The following MYO19 variants were observed in gnomAD, a reference collection of about 807,000 sequenced individuals.
The protein encoded by MYO19 is myosin XIX, also known as unconventional myosin-XIX.
MYO19 carries 132 observed loss-of-function variants against 129.2 expected under a neutral mutation model. The observed-to-expected ratio is 1.02, with a 90% CI of 0.89 to 1.18. The LOEUF (loss-of-function observed/expected upper bound fraction) is 1.18, where lower values mean the gene tolerates loss of function less well. MYO19 is among the 50% of genes most tolerant of loss of function. The probability of loss-of-function intolerance (pLI) is 0.00; values close to 1 mark genes in which losing one functional copy is unlikely to be tolerated. For synonymous variants in MYO19, 531 were observed against 477.2 expected, an observed-to-expected ratio of 1.11 and a Z score of -1.47; for missense variants, 1,210 against 1,216.7, an observed-to-expected ratio of 0.99 and a Z score of 0.08.
At chr17:36,543,458 G>A (rs975185169), upstream of MYO19, 1 of 151,580 alleles carries the variant, frequency 6.6e-6, no homozygotes, top group Non-Finnish European at 1.5e-5. Context: ...CGGCCCAGAA[G>A]ACATAAATAT....
chr17:36,533,813 G>A (rs2073969462), intron 2 of MYO19, 140 bp downstream of exon 2: 1 of 152,248 alleles, frequency 6.6e-6, no homozygotes, highest in African/African-American at 2.4e-5. Flanking sequence ...CAGCACAACA[G>A]GTTTGGGGTT....
rs111254618 is a variant in MYO19, at chr17:36,496,500, G to A, written c.2758-94C>T. On this transcript the variant is annotated intron_variant, in intron 25 of 25. Transcript: ENST00000614623. ...GAGCAGACGCTAAAAATGCAAGAAGGTATGGACAAGTACTAGTATTGGGGG... is the reference window on the plus strand; with the variant it reads ...GAGCAGACGCTAAAAATGCAAGAAGATATGGACAAGTACTAGTATTGGGGG... 673 of 1,164,084 alleles carry A rather than the reference G, an allele frequency of 5.8e-4. 4 individuals are homozygous for A. The African/African-American group carries it at 8.1e-3, about 14-fold the overall frequency. The allele number at this position is 1,164,084 out of a possible 1,614,324, so 72.1% of individuals were successfully genotyped here. A position where few individuals can be genotyped will look rare whatever the true frequency, so the allele number is the denominator to read the frequency against.
At chr17:36,507,375 C>T (rs756353134) in intron 16 of MYO19, 24 bp downstream of exon 16, 18 of 1,600,308 alleles carry the variant, frequency 1.1e-5, no homozygotes, top group Admixed American at 8.3e-5. Context: ...CTCTGGTGCT[C>T]GGCTCATTAG....
At position 36,503,313 on chromosome 17, in the gene MYO19, G is replaced by A. The variant is rs567728823; in HGVS notation, c.1977-113C>T. 83 of 847,950 alleles carry A rather than the reference G, an allele frequency of 9.8e-5. 1 individual carries two copies. The African/African-American group carries it at 1.4e-3, about 14-fold the overall frequency. The allele number at this position is 847,950 out of a possible 1,614,324, so 52.5% of individuals were successfully genotyped here. ...AATCTGCTCAACAACACAGCACGGT[G>A]CTGCCCTCCCCGAGTATCCCCACTG... is the stretch of plus-strand genomic sequence containing the variant. On this transcript the variant is annotated intron_variant, in intron 20 of 25. Transcript: ENST00000614623.
chr17:36,510,354 G>A (rs965653830), intron 13 of MYO19, among the ~76,000 whole-genome samples: 2 of 152,216 alleles, frequency 1.3e-5, no homozygotes, highest in Non-Finnish European at 2.9e-5. Context: ...AAAGGCACAG[G>A]GAGACAGAGA....
At chr17:36,515,692 T>C (rs753207353) in intron 7 of MYO19, among the ~76,000 whole-genome samples, 166 bp downstream of exon 7, 4 of 152,138 alleles carry the variant, frequency 2.6e-5, no homozygotes, top group South Asian at 2.1e-4. Context: ...GTTAGAATGA[T>C]GCTAAGGAGT....
intron 6 of MYO19, among the ~76,000 whole-genome samples, chr17:36,518,527 AATATATATAT>A (rs1555581707): frequency 2.4e-5 from 1 of 41,470 alleles, no homozygotes; most frequent in Non-Finnish European, 4.0e-5. Context: ...AAAAAAAAAA[AATATATATAT>A]ATATATATAT....
rs1265911229 is a variant in MYO19 at position 36,496,436 on chromosome 17, CACTAG to C, written c.2758-35_2758-31del. 22 of 1,611,256 alleles carry C rather than the reference CACTAG, an allele frequency of 1.4e-5. No homozygotes were observed. The African/African-American group carries it at 2.9e-4, about 22-fold the overall frequency. ...AGGGGAGAGAGAGATGCAGCTTTAG[CACTAG>C]TTCCTGGGAGTGCCAGGGCCTAACA... On this transcript the variant is annotated intron_variant, in intron 25 of 25. Transcript: ENST00000614623.
At chr17:36,537,627 T>C, upstream of MYO19, 6 of 1,614,138 alleles carry the variant, frequency 3.7e-6, no homozygotes, top group Non-Finnish European at 5.1e-6. Flanking sequence ...TGGCTTTGTT[T>C]TTGGGTCTGC....
rs189376170 is a variant in MYO19 at position 36,503,018 on chromosome 17, C to A, written c.2080+79G>T. On this transcript the variant is annotated intron_variant, in intron 21 of 25. Coordinates refer to ENST00000614623, the MANE Select transcript of MYO19 (RefSeq NM_001163735.2). Reference sequence around the variant, plus strand: ...TTTATTCACCAGTAAGCCCCAGCCCCTAGCCCTAAGACAGGGCACAGGGTA... The same window carrying A: ...TTTATTCACCAGTAAGCCCCAGCCCATAGCCCTAAGACAGGGCACAGGGTA... 42 of 1,243,222 alleles carry A rather than the reference C, an allele frequency of 3.4e-5. No homozygotes were observed. In the East Asian group the frequency reaches 9.7e-4, roughly 29 times the overall value. 77.0% of individuals were successfully genotyped at this position (1,243,222 alleles called of 1,614,324 possible).
chr17:36,511,168 C>A (rs919098131), intron 12 of MYO19, 197 bp downstream of exon 12: 3 of 673,708 alleles, frequency 4.5e-6, no homozygotes, highest in Non-Finnish European at 5.0e-6. Flanking sequence ...CTCATTTTCT[C>A]ATCTTTAAGA....
chr17:36,500,850 G>A lies in MYO19; in HGVS notation c.2357C>T (p.Ala786Val). The change falls in exon 23 of 26, where the codon GCC (alanine) becomes GTC (valine). Residue 786 changes from alanine (A) to valine (V), a missense_variant. Coordinates refer to ENST00000614623, the MANE Select transcript of MYO19 (RefSeq NM_001163735.2). The part of the protein sequence containing the change: ...RHREQERQWR[A>V]VMLIQAAIRS... ...CCTACCTGCCTGGATGAGCATGACGGCCCGCCACTGCCGCTCCTGCTCTCG... is the reference window on the plus strand; with the variant it reads ...CCTACCTGCCTGGATGAGCATGACGACCCGCCACTGCCGCTCCTGCTCTCG... 6.3e-7 allele frequency: 1 copy of A among 1,596,244 alleles called. No homozygotes were observed. The highest frequency in any genetic ancestry group is 8.5e-7 in the Non-Finnish European group (1 of 1,175,882).
intron 11 of MYO19, chr17:36,512,514 C>T (rs547835688): frequency 2.2e-6 from 2 of 906,232 alleles, no homozygotes; most frequent in South Asian, 3.6e-5. Flanking sequence ...CCACAACTTG[C>T]TCCAGAAGAC....
At position 36,540,440 on chromosome 17, in the gene MYO19, G is replaced by A. The variant is rs532766353; in HGVS notation, n.395+1641C>T. ...GGCTGGAGTGCAGTGGCACAGTCTT[G>A]GTTCACTACAACCTCCGCCTCCCAG... is the stretch of plus-strand genomic sequence containing the variant. On this transcript the variant is annotated intron_variant and non_coding_transcript_variant, in intron 2 of 2. Transcript: ENST00000610496. Among the ~76,000 whole-genome samples the A allele has an allele frequency of 2.0e-5, 3 of 149,100 alleles. No homozygotes were observed. The East Asian group carries it at 6.0e-4, about 30-fold the overall frequency.
intron 12 of MYO19, 104 bp downstream of exon 12, chr17:36,511,261 A>T (rs2142029788): frequency 7.9e-7 from 1 of 1,264,236 alleles, no homozygotes; most frequent in Admixed American, 2.0e-5. Flanking sequence ...GGCATAAGCA[A>T]GGGCATCAGA....
intron 6 of MYO19, among the ~76,000 whole-genome samples, chr17:36,524,752 G>A (rs369114437): frequency 1.3e-5 from 2 of 152,190 alleles, no homozygotes; most frequent in Non-Finnish European, 2.9e-5. Flanking sequence ...CATGCCACCA[G>A]GTGCCATATG....
chr17:36,526,569 C>T (rs937297993), intron 5 of MYO19, among the ~76,000 whole-genome samples: 2 of 152,164 alleles, frequency 1.3e-5, no homozygotes, highest in African/African-American at 4.8e-5. Context: ...CAATCCTTAT[C>T]GTGTATAATT....
intron 8 of MYO19, among the ~76,000 whole-genome samples, chr17:36,514,894 C>T (rs2072633243): frequency 6.6e-6 from 1 of 152,194 alleles, no homozygotes; most frequent in African/African-American, 2.4e-5. Context: ...GGAACCCAGG[C>T]CTGAATAAGC....
chr17:36,499,181 C>T, intron 23 of MYO19, 21 bp from the exon 24 acceptor site: 1 of 1,580,444 alleles, frequency 6.3e-7, no homozygotes, highest in South Asian at 1.2e-5. Flanking sequence ...TGCCCAGAAA[C>T]AGGAAAGAGA....
Sources: allele counts gnomAD v4.1 joint callset (sites outside exome capture counted in the v4.1 genomes callset), GRCh38; gene constraint gnomAD v4.1.1; transcripts MANE v1.5; gene names NCBI Gene and HGNC (gene_info 2026-07-23, HGNC 2026-07-21).